EFHD1: variants seen among roughly 807,000 people sequenced by gnomAD.
EFHD1 encodes EF-hand domain-containing protein D1.
A neutral mutation model predicts 17.2 loss-of-function variants in EFHD1; 10 were observed. The ratio of observed to expected loss-of-function variants is 0.58; its 90% CI spans 0.36 to 0.99. The LOEUF (loss-of-function observed/expected upper bound fraction) is 0.99, where lower values mean the gene tolerates loss of function less well. Among genes scored for constraint, EFHD1 ranks in the 50% least tolerant of loss-of-function variants. The pLI is 0.01. For missense variants in EFHD1, 310 were observed against 327.5 expected, an observed-to-expected ratio of 0.95 and a Z score of 0.41; for synonymous variants, 153 against 142.0, an observed-to-expected ratio of 1.08 and a Z score of -0.55.
intron 1 of EFHD1, among the ~76,000 whole-genome samples, chr2:232,627,260 A>C (rs200426089): frequency 7.9e-4 from 119 of 151,358 alleles, no homozygotes; most frequent in East Asian, 7.7e-3. Context: ...AAAAAAAAAA[A>C]CTAGAATTTT....
At chr2:232,655,083 G>C (rs1194498146) in intron 1 of EFHD1, among the ~76,000 whole-genome samples, 7 of 152,204 alleles carry the variant, frequency 4.6e-5, no homozygotes, top group Admixed American at 1.3e-4. Flanking sequence ...GATCACTTCA[G>C]CCTGTTCTGC....
chr2:232,649,183 G>A (rs1227602412), intron 1 of EFHD1, among the ~76,000 whole-genome samples: 1 of 152,246 alleles, frequency 6.6e-6, no homozygotes, highest in African/African-American at 2.4e-5. Context: ...ACCAGCCATT[G>A]TCCCTTGCTG....
chr2:232,633,673 C>G lies in EFHD1; in HGVS notation c.-32C>G. 2 of 1,402,030 alleles carry G rather than the reference C, an allele frequency of 1.4e-6. No individual in the cohort carries two copies. The highest frequency in any genetic ancestry group is 3.5e-5 in the Admixed American group (1 of 28,748). 86.8% of individuals were successfully genotyped at this position (1,402,030 alleles called of 1,614,324 possible). ...CAGCTCCCTGCGTCCCGTCCCGCGTCCCCGCGTTCCCGCGTCCTGCGATCC... is the reference window on the plus strand; with the variant it reads ...CAGCTCCCTGCGTCCCGTCCCGCGTGCCCGCGTTCCCGCGTCCTGCGATCC... On this transcript the variant is annotated 5_prime_UTR_variant, in exon 1 of 4. Coordinates refer to ENST00000264059, the MANE Select transcript of EFHD1 (RefSeq NM_025202.4).
At chr2:232,659,749 T>C (rs1432852814) in intron 1 of EFHD1, among the ~76,000 whole-genome samples, 2 of 151,706 alleles carry the variant, frequency 1.3e-5, no homozygotes, top group African/African-American at 2.4e-5. Context: ...ACTAACTAAT[T>C]TATAAGAAAA....
chr2:232,636,320 A>G (rs1482584865), intron 1 of EFHD1, among the ~76,000 whole-genome samples: 1 of 152,152 alleles, frequency 6.6e-6, no homozygotes, highest in Non-Finnish European at 1.5e-5. Context: ...GCTCCCTGGA[A>G]GGTTCCTTGG....
intron 1 of EFHD1, among the ~76,000 whole-genome samples, chr2:232,613,985 CAT>C (rs1250256089): frequency 5.3e-5 from 8 of 151,778 alleles, no homozygotes; most frequent in African/African-American, 1.7e-4. Flanking sequence ...TACACACACA[CAT>C]ACATACACAT....
At chr2:232,636,954 G>A (rs73995831) in intron 1 of EFHD1, among the ~76,000 whole-genome samples, 29 of 152,178 alleles carry the variant, frequency 1.9e-4, no homozygotes, top group African/African-American at 6.3e-4. Flanking sequence ...TGGCCTCTTG[G>A]TGAGTTCCGG....
chr2:232,615,328 T>TGTGTGTGTGA (rs1553594527), intron 1 of EFHD1, among the ~76,000 whole-genome samples: 179 of 135,490 alleles, frequency 1.3e-3, no homozygotes, highest in African/African-American at 4.1e-3. Flanking sequence ...TGTGTGTGTG[T>TGTGTGTGTGA]GTGTGTGTGT....
intron 1 of EFHD1, chr2:232,649,887 TAGG>T (rs1228645757): frequency 6.6e-6 from 1 of 152,276 alleles, no homozygotes; most frequent in Non-Finnish European, 1.5e-5. Context: ...TCCAGCCACT[TAGG>T]AGGATCTCCT....
At chr2:232,644,189 T>G (rs1650732389) in intron 1 of EFHD1, among the ~76,000 whole-genome samples, 1 of 151,956 alleles carries the variant, frequency 6.6e-6, no homozygotes, top group Non-Finnish European at 1.5e-5. Context: ...GAGGGCTTGA[T>G]CATTCTGCCT....
In EFHD1 at chr2:232,625,758, C is replaced by A. The variant is rs1694095020; in HGVS notation, c.14+19585C>A. ...TTTTTCAATGTGTTGACATTTGTAC[C>A]CATGATGCGAAAGGAATGGTGGGTA... On this transcript the variant is annotated intron_variant, in intron 1 of 3. Coordinates refer to the EFHD1 transcript ENST00000409613. 2.6e-5 allele frequency among the ~76,000 whole-genome samples: 4 copies of A among 152,188 alleles called. No homozygotes were observed. The South Asian group carries it at 8.3e-4, about 32-fold the overall frequency.
At chr2:232,627,036 CTATATATATA>C (rs1178834241) in intron 1 of EFHD1, among the ~76,000 whole-genome samples, 6 of 112,684 alleles carry the variant, frequency 5.3e-5, no homozygotes, top group South Asian at 2.9e-4. Context: ...CTCTCTCTCT[CTATATATATA>C]TATATATATA....
At chr2:232,617,852 G>A (rs1385790985) in intron 1 of EFHD1, among the ~76,000 whole-genome samples, 13 of 150,770 alleles carry the variant, frequency 8.6e-5, no homozygotes, top group African/African-American at 2.7e-4. Flanking sequence ...CGGAGGCTGA[G>A]GCAGGAGAAT....
At chr2:232,611,437 A>G (rs1006996719) in intron 1 of EFHD1, 1 of 152,150 alleles carries the variant, frequency 6.6e-6, no homozygotes, top group Admixed American at 6.5e-5. Flanking sequence ...AGTTCTCATC[A>G]TCGATGAGAC....
intron 3 of EFHD1, among the ~76,000 whole-genome samples, chr2:232,679,561 A>G (rs1431894949): frequency 1.3e-5 from 2 of 151,838 alleles, no homozygotes; most frequent in Non-Finnish European, 2.9e-5. Flanking sequence ...CAAAAAATTG[A>G]AAAAATTAGC....
At chr2:232,669,083 A>G (rs543653905) in intron 2 of EFHD1, among the ~76,000 whole-genome samples, 1 of 152,284 alleles carries the variant, frequency 6.6e-6, no homozygotes, top group South Asian at 2.1e-4. Flanking sequence ...AGCGACCAGT[A>G]TGTCAGTCCC....
chr2:232,645,268 C>T (rs78098351), intron 1 of EFHD1, among the ~76,000 whole-genome samples: 2,024 of 152,150 alleles, frequency 0.013, 40 homozygotes, highest in African/African-American at 0.046. Flanking sequence ...CCCCCTGCCA[C>T]GGGTCAGGTT....
chr2:232,654,623 T>TA (rs974584028), intron 1 of EFHD1, among the ~76,000 whole-genome samples: 1 of 152,124 alleles, frequency 6.6e-6, no homozygotes, highest in Non-Finnish European at 1.5e-5. Context: ...AGACAGGGTT[T>TA]CGCCATGTTG....
chr2:232,633,543 C>T, upstream of EFHD1: 1 of 1,284,732 alleles, frequency 7.8e-7, no homozygotes, highest in Non-Finnish European at 9.8e-7. Context: ...TCCGCCCCGA[C>T]CGCCCCGCCC....
Sources: allele counts gnomAD v4.1 joint callset (sites outside exome capture counted in the v4.1 genomes callset), GRCh38; gene constraint gnomAD v4.1.1; transcripts MANE v1.5; gene names NCBI Gene and HGNC (gene_info 2026-07-23, HGNC 2026-07-21).